TCIRG1: variants seen among roughly 807,000 people sequenced by gnomAD.
The protein encoded by TCIRG1 is V-type proton ATPase 116 kDa subunit a 3.
In TCIRG1, 86 loss-of-function variants were observed where a neutral mutation model predicts 95.5. The observed-to-expected ratio is 0.90, with a 90% CI of 0.76 to 1.08. The LOEUF is 1.08. Ranked by LOEUF, TCIRG1 falls within the 50% of genes least tolerant of loss-of-function variation. The pLI is 0.00. For synonymous variants in TCIRG1, 499 were observed against 501.3 expected, an observed-to-expected ratio of 1.00 and a Z score of 0.06; for missense variants, 1,069 against 1,140.2, an observed-to-expected ratio of 0.94 and a Z score of 0.90.
At chr11:68,047,267 C>A (rs956640881) in intron 10 of TCIRG1, among the ~76,000 whole-genome samples, 166 bp from the exon 11 acceptor site, 1 of 77,314 alleles carries the variant, frequency 1.3e-5, no homozygotes, top group African/African-American at 4.7e-5. Flanking sequence ...CCCCCCCCCC[C>A]GTCTCGGCCT....
At chr11:68,049,618 G>T in intron 15 of TCIRG1, 45 bp from the exon 16 acceptor site, 1 of 1,588,848 alleles carries the variant, frequency 6.3e-7, no homozygotes. Flanking sequence ...TCCTTTGCAG[G>T]TGTGCACAGC....
In TCIRG1 at chr11:68,043,173, C is replaced by T. The variant is rs1276372965; in HGVS notation, c.503+142C>T. The T allele has an allele frequency of 2.0e-6, 3 of 1,516,572 alleles. No individual in the cohort carries two copies. The Admixed American group carries it at 6.3e-5, about 32-fold the overall frequency. The allele number at this position is 1,516,572 out of a possible 1,614,324, so 93.9% of individuals were successfully genotyped here. Reference sequence around the variant, plus strand: ...GCCTCCTCCTTCAGGCCCGGAACTTCCCACAGTCCCAAGCCCTAGCCCTAG... The same window carrying T: ...GCCTCCTCCTTCAGGCCCGGAACTTTCCACAGTCCCAAGCCCTAGCCCTAG... On this transcript the variant is annotated intron_variant, in intron 5 of 19. Transcript: ENST00000265686.
intron 16 of TCIRG1, 46 bp downstream of exon 16, chr11:68,049,834 C>T: frequency 6.4e-7 from 1 of 1,556,252 alleles, no homozygotes; most frequent in Non-Finnish European, 8.6e-7. Flanking sequence ...CGGGGAGAGG[C>T]CACTGTCCGG....
Position 68,043,402 on chromosome 11 carries a change from G to C in TCIRG1, c.535G>C (p.Ala179Pro). The change falls in exon 6 of 20, where the codon GCC (alanine) becomes CCC (proline). Residue 179 changes from alanine (A) to proline (P), a missense_variant. Transcript: ENST00000265686. ...GGCAGGTGCCGTGGAGCCCCACAAG[G>C]CCCCTGCCCTAGAGCGCCTGCTCTG... ...FVAGAVEPHKAPALERLLWRA... is the reference protein window; with the variant it reads ...FVAGAVEPHKPPALERLLWRA... The C allele has an allele frequency of 1.9e-6, 3 of 1,541,236 alleles. No individual in the cohort carries two copies. Among genetic ancestry groups the C allele is most frequent in the Non-Finnish European group, 2.6e-6 (3 of 1,146,542 alleles).
At chr11:68,044,785 T>C (rs771384689) in intron 9 of TCIRG1, 173 bp from the exon 10 acceptor site, 13 of 793,006 alleles carry the variant, frequency 1.6e-5, no homozygotes, top group Non-Finnish European at 2.6e-5. Context: ...TGTGGTGTCT[T>C]TGGGCCCCCA....
chr11:68,051,637 G>A (rs1855799545), downstream of TCIRG1, among the ~76,000 whole-genome samples: 1 of 152,236 alleles, frequency 6.6e-6, no homozygotes, highest in Admixed American at 6.5e-5. Context: ...GGACTGCTTT[G>A]CTCAGGACCT....
At chr11:68,047,254 C>G (rs1246110939) in intron 10 of TCIRG1, among the ~76,000 whole-genome samples, 179 bp from the exon 11 acceptor site, 1 of 11,604 alleles carries the variant, frequency 8.6e-5, no homozygotes. Flanking sequence ...CGGGTGATGC[C>G]CCCCCCCCCC....
In TCIRG1 at chr11:68,047,877, C is replaced by A. The variant is rs372813575; in HGVS notation, c.1464-5C>A. ...CCCTGACCGCCCTCCCCTGCGTTGC[C>A]GCAGTGATGCATTCCTGGCCCAGCA... On this transcript the variant is annotated splice_polypyrimidine_tract_variant and splice_region_variant and intron_variant, in intron 12 of 19. Coordinates refer to ENST00000265686, the MANE Select transcript of TCIRG1 (RefSeq NM_006019.4). 14 of 1,613,386 alleles carry A rather than the reference C, an allele frequency of 8.7e-6. No homozygotes were observed. In the South Asian group the frequency reaches 1.5e-4, roughly 18 times the overall value.
intron 7 of TCIRG1, 46 bp from the exon 8 acceptor site, chr11:68,043,768 G>A (rs756816782): frequency 9.7e-6 from 15 of 1,546,486 alleles, no homozygotes; most frequent in South Asian, 4.8e-5. Flanking sequence ...TCAGAGTCTC[G>A]TAGCTGTGTC....
Position 68,050,266 on chromosome 11 carries a change from G to T in TCIRG1, c.2236+12G>T. 1 of 1,610,400 alleles carries T rather than the reference G, an allele frequency of 6.2e-7. No homozygotes were observed. ...CCTGGCCCACGCCCGTGAGTGACCT[G>T]GCCACCGACGGCTGGCCCCAGCTCC... On this transcript the variant is annotated intron_variant, in intron 18 of 19. Coordinates refer to ENST00000265686, the MANE Select transcript of TCIRG1 (RefSeq NM_006019.4).
intron 10 of TCIRG1, 96 bp downstream of exon 10, chr11:68,045,198 TG>T: frequency 6.7e-7 from 1 of 1,487,268 alleles, no homozygotes; most frequent in Non-Finnish European, 9.2e-7. Flanking sequence ...ATCCTGGGCC[TG>T]GCCTGCCCTC....
At chr11:68,041,879 C>A (rs1283533081) in intron 3 of TCIRG1, 48 bp downstream of exon 3, 1 of 1,514,722 alleles carries the variant, frequency 6.6e-7, no homozygotes, top group Non-Finnish European at 9.0e-7. Flanking sequence ...CTGGAGGAGG[C>A]ATGGGCCAAG....
rs573002924 is a variant in TCIRG1, at chr11:68,050,140, G to T, written c.2122G>T (p.Val708Phe). ...CCTCACTGCACCCGCCCCGCAGCTCGTCCCCTCCGAGGTGCTCATGCACCA... is the reference window on the plus strand; with the variant it reads ...CCTCACTGCACCCGCCCCGCAGCTCTTCCCCTCCGAGGTGCTCATGCACCA... ...GLDDEEEAEL[V>F]PSEVLMHQAI... Residue 708 changes from valine to phenylalanine, a missense_variant, in exon 18 of 20, where the codon GTC becomes TTC. Physicochemically the swap from Val to Phe is conservative, Grantham distance 50 (BLOSUM62 -1). Transcript: ENST00000265686. 1.2e-6 allele frequency: 2 copies of T among 1,613,050 alleles called. No homozygotes were observed. The highest frequency in any genetic ancestry group is 1.7e-6 in the Non-Finnish European group (2 of 1,179,886).
chr11:68,045,978 G>T (rs537983552), intron 10 of TCIRG1, among the ~76,000 whole-genome samples: 1 of 152,182 alleles, frequency 6.6e-6, no homozygotes, highest in Non-Finnish European at 1.5e-5. Flanking sequence ...GCTTCTGCAG[G>T]GCCAGTGTCC....
intron 3 of TCIRG1, 76 bp from the exon 4 acceptor site, chr11:68,042,567 G>A (rs1017100055): frequency 8.0e-7 from 1 of 1,248,742 alleles, no homozygotes; most frequent in Admixed American, 2.1e-5. Flanking sequence ...GGCCGATGGA[G>A]TTTGGGGCAG....
intron 16 of TCIRG1, 72 bp from the exon 17 acceptor site, chr11:68,049,890 G>GA: frequency 6.4e-7 from 1 of 1,560,798 alleles, no homozygotes; most frequent in Non-Finnish European, 8.7e-7. Context: ...GAGTGGCCAG[G>GA]AGCAGGCCTG....
intron 3 of TCIRG1, among the ~76,000 whole-genome samples, chr11:68,042,209 C>T (rs1323308345): frequency 6.6e-6 from 1 of 152,154 alleles, no homozygotes; most frequent in Non-Finnish European, 1.5e-5. Flanking sequence ...TAGGGTACCC[C>T]TAAGGAGCAG....
At chr11:68,049,562 G>A in intron 15 of TCIRG1, 101 bp from the exon 16 acceptor site, 1 of 1,494,744 alleles carries the variant, frequency 6.7e-7, no homozygotes, top group Non-Finnish European at 9.0e-7. Flanking sequence ...CTGGAGGGAG[G>A]AGCGACCGCA....
intron 13 of TCIRG1, among the ~76,000 whole-genome samples, chr11:68,048,652 C>T (rs868746745): frequency 3.9e-5 from 6 of 152,160 alleles, no homozygotes; most frequent in Admixed American, 6.5e-5. Flanking sequence ...AGTGTCCTCA[C>T]CTAAAGAAGA....
Sources: allele counts gnomAD v4.1 joint callset (sites outside exome capture counted in the v4.1 genomes callset), GRCh38; gene constraint gnomAD v4.1.1; transcripts MANE v1.5; gene names NCBI Gene and HGNC (gene_info 2026-07-23, HGNC 2026-07-21).